The following HCRTR2 variants were observed in gnomAD, a reference collection of about 807,000 sequenced individuals.
HCRTR2 encodes hypocretin receptor 2.
A neutral mutation model predicts 49.0 loss-of-function variants in HCRTR2; 22 were observed. That is an observed-to-expected ratio of 0.45 (90% CI 0.32 to 0.64). The LOEUF is 0.64. Among genes scored for constraint, HCRTR2 ranks in the 30% least tolerant of loss-of-function variants. HCRTR2 has a pLI of 0.04. For missense variants in HCRTR2, 491 were observed against 559.4 expected (o/e 0.88, Z 1.23); for synonymous variants, 236 against 205.3 (o/e 1.15, Z -1.28).
chr6:55,245,469 T>TATATATATATATATATATATATA (rs1562020342), intron 1 of HCRTR2, among the ~76,000 whole-genome samples: 4 of 56,772 alleles, frequency 7.0e-5, no homozygotes, highest in African/African-American at 1.1e-4. Context: ...TAGGAAGATT[T>TATATATATATATATATATATATA]TATATATATA....
At chr6:55,218,259 G>A (rs1381754023) in intron 1 of HCRTR2, among the ~76,000 whole-genome samples, 1 of 151,986 alleles carries the variant, frequency 6.6e-6, no homozygotes, top group Non-Finnish European at 1.5e-5. Context: ...TTTCAATATG[G>A]GTTTCAGAGG....
intron 1 of HCRTR2, among the ~76,000 whole-genome samples, chr6:55,199,401 T>G (rs1176147699): frequency 1.3e-5 from 2 of 152,136 alleles, no homozygotes; most frequent in African/African-American, 4.8e-5. Context: ...TGGTCTTCTG[T>G]CTCAGGCAAT....
intron 1 of HCRTR2, among the ~76,000 whole-genome samples, chr6:55,227,905 G>C (rs1052491959): frequency 6.6e-6 from 1 of 152,170 alleles, no homozygotes; most frequent in Non-Finnish European, 1.5e-5. Flanking sequence ...GGGTATAACA[G>C]TGATTATTTT....
Position 55,277,573 on chromosome 6 carries a change from C to A in HCRTR2, c.956C>A (p.Pro319Gln). The A allele has an allele frequency of 6.2e-7, 1 of 1,612,616 alleles. No individual in the cohort carries two copies. The highest frequency in any genetic ancestry group is 8.5e-7 in the Non-Finnish European group (1 of 1,178,752). ...VLLVFAICYL[P>Q]ISILNVLKRV... ...TTGGTATTTGCAATTTGCTATCTAC[C>A]AATTAGCATCCTCAATGTGCTAAAG... The change falls in exon 5 of 7, where the codon CCA (proline) becomes CAA (glutamine). Residue 319 changes from proline to glutamine, a missense_variant. By Grantham distance (76) the Pro-to-Gln change is moderately conservative (BLOSUM62 -1). Transcript: ENST00000370862.
At chr6:55,206,692 C>T (rs540847021) in intron 1 of HCRTR2, among the ~76,000 whole-genome samples, 179 of 151,806 alleles carry the variant, frequency 1.2e-3, no homozygotes, top group African/African-American at 4.1e-3. Flanking sequence ...ATAAAGAAGG[C>T]CAAATAAAGG....
At chr6:55,108,887 C>A (rs1024902665) in intron 1 of HCRTR2, among the ~76,000 whole-genome samples, 1 of 152,110 alleles carries the variant, frequency 6.6e-6, no homozygotes, top group Non-Finnish European at 1.5e-5. Flanking sequence ...TGAAATCCTG[C>A]TTGTTTTCTC....
At chr6:55,168,225 G>A (rs1764903685) in intron 1 of HCRTR2, among the ~76,000 whole-genome samples, 1 of 152,092 alleles carries the variant, frequency 6.6e-6, no homozygotes, top group African/African-American at 2.4e-5. Context: ...GATTCTCTTT[G>A]GGGGAGATGT....
At chr6:55,233,334 AC>A (rs1254305785) in intron 1 of HCRTR2, among the ~76,000 whole-genome samples, 1 of 151,906 alleles carries the variant, frequency 6.6e-6, no homozygotes, top group East Asian at 1.9e-4. Context: ...CAGGTGATCC[AC>A]CCACCTCGGC....
chr6:55,255,929 C>T (rs1447368803), intron 3 of HCRTR2, among the ~76,000 whole-genome samples: 1 of 152,188 alleles, frequency 6.6e-6, no homozygotes, highest in Non-Finnish European at 1.5e-5. Flanking sequence ...TTGCTACTCG[C>T]ATAATTATTA....
chr6:55,193,669 A>T (rs920312133), intron 1 of HCRTR2, among the ~76,000 whole-genome samples: 5 of 151,778 alleles, frequency 3.3e-5, no homozygotes, highest in African/African-American at 1.2e-4. Flanking sequence ...ATGAAACTTG[A>T]TCAAAATACT....
chr6:55,111,547 T>C (rs1283042495), intron 1 of HCRTR2, among the ~76,000 whole-genome samples: 1 of 151,858 alleles, frequency 6.6e-6, no homozygotes, highest in Non-Finnish European at 1.5e-5. Context: ...CTAGAAAACC[T>C]AGAGGAGATG....
At chr6:55,197,938 TACACTA>T (rs938410103) in intron 1 of HCRTR2, among the ~76,000 whole-genome samples, 6 of 152,164 alleles carry the variant, frequency 3.9e-5, no homozygotes, top group African/African-American at 1.2e-4. Flanking sequence ...TCTCTTAACC[TACACTA>T]ACACTAACTG....
At chr6:55,275,608 A>AT (rs3065694) in intron 4 of HCRTR2, among the ~76,000 whole-genome samples, 15,853 of 133,026 alleles carry the variant, frequency 0.12, 1,697 homozygotes, top group East Asian at 0.41. Flanking sequence ...TGAAAACTGT[A>AT]TTTTTTTTTT....
chr6:55,276,817 G>T (rs1286936922), intron 4 of HCRTR2, among the ~76,000 whole-genome samples: 1 of 152,214 alleles, frequency 6.6e-6, no homozygotes, highest in African/African-American at 2.4e-5. Context: ...TACAAATAGT[G>T]AACAACAAAA....
chr6:55,255,801 A>G (rs1014393501), intron 3 of HCRTR2, among the ~76,000 whole-genome samples: 2 of 152,028 alleles, frequency 1.3e-5, no homozygotes, highest in African/African-American at 4.8e-5. Flanking sequence ...ATACAACTGA[A>G]TTTTTTCATT....
At position 55,211,178 on chromosome 6, in the gene HCRTR2, T is replaced by G. The variant is rs114621537; in HGVS notation, c.223+36368T>G. On this transcript the variant is annotated intron_variant, in intron 1 of 6. Coordinates refer to ENST00000370862, the MANE Select transcript of HCRTR2 (RefSeq NM_001384272.1). ...AGCATACCCTATGATGTTTGCACAA[T>G]GATGAAATCACCTAAGGATGCATTT... 3.0e-3 allele frequency among the ~76,000 whole-genome samples: 458 copies of G among 152,298 alleles called. 8 individuals carry two copies. Among genetic ancestry groups the G allele is most frequent in the African/African-American group, 0.011 (440 of 41,578 alleles).
chr6:55,168,734 T>C (rs1167939992), intron 1 of HCRTR2, among the ~76,000 whole-genome samples: 1 of 104,592 alleles, frequency 9.6e-6, no homozygotes, highest in Non-Finnish European at 2.4e-5. Flanking sequence ...CCTGGGTAAT[T>C]TTTTTTTTAA....
intron 1 of HCRTR2, among the ~76,000 whole-genome samples, chr6:55,132,964 A>G (rs183101571): frequency 1.4e-4 from 21 of 151,818 alleles, no homozygotes; most frequent in Non-Finnish European, 2.8e-4. Context: ...TAGAGGATAA[A>G]CTAGTGTTTT....
chr6:55,177,121 C>A (rs1765054295), intron 1 of HCRTR2, among the ~76,000 whole-genome samples: 1 of 152,148 alleles, frequency 6.6e-6, no homozygotes, highest in Admixed American at 6.6e-5. Context: ...TACAGTAAGG[C>A]TACTTGTTTC....
Sources: allele counts gnomAD v4.1 joint callset (sites outside exome capture counted in the v4.1 genomes callset), GRCh38; gene constraint gnomAD v4.1.1; transcripts MANE v1.5; gene names NCBI Gene and HGNC (gene_info 2026-07-23, HGNC 2026-07-21).